Variants in MAN1A2 observed in about 807,000 individuals in gnomAD.
The protein encoded by MAN1A2 is mannosidase alpha class 1A member 2.
MAN1A2 carries 26 observed loss-of-function variants against 75.7 expected under a neutral mutation model. The observed-to-expected ratio is 0.34, with a 90% confidence interval of 0.25 to 0.48. MAN1A2 has a LOEUF of 0.48. Ranked by LOEUF, MAN1A2 falls within the 20% of genes least tolerant of loss-of-function variation. The pLI is 0.99. For missense variants in MAN1A2, 562 were observed against 775.5 expected, an observed-to-expected ratio of 0.72 and a Z score of 3.27; for synonymous variants, 247 against 264.6, an observed-to-expected ratio of 0.93 and a Z score of 0.65.
At chr1:117,510,676 C>A (rs1238671443) in intron 12 of MAN1A2, among the ~76,000 whole-genome samples, 1 of 151,990 alleles carries the variant, frequency 6.6e-6, no homozygotes, top group Admixed American at 6.6e-5. Context: ...ATAAACAATA[C>A]AAATGTAATA....
In MAN1A2 at chr1:117,526,880, C is replaced by CTCTCTCTCTCTCTCTCTA; in HGVS notation, c.*3924_*3925insCTCTCTCTCTCTCTCTAT. 11 of 54,516 alleles carry CTCTCTCTCTCTCTCTCTA rather than the reference C, an allele frequency of 2.0e-4. No homozygotes were observed. The highest frequency in any genetic ancestry group is 4.1e-4 in the African/African-American group (5 of 12,286). 3.4% of individuals were successfully genotyped at this position (54,516 alleles called of 1,614,324 possible). ...TCTCTCTCTCTCTCTCTCTCTCTCT[C>CTCTCTCTCTCTCTCTCTA]TATATATATATATATATATATATAT... On this transcript the variant is annotated 3_prime_UTR_variant, in exon 13 of 13. Coordinates refer to ENST00000356554, the MANE Select transcript of MAN1A2 (RefSeq NM_006699.5).
intron 2 of MAN1A2, among the ~76,000 whole-genome samples, chr1:117,404,216 T>G (rs1647539767): frequency 6.6e-6 from 1 of 152,218 alleles, no homozygotes; most frequent in Non-Finnish European, 1.5e-5. Flanking sequence ...TGAGTTTTCT[T>G]GTAATATCTT....
At chr1:117,381,925 T>G (rs1489059100) in intron 1 of MAN1A2, among the ~76,000 whole-genome samples, 2 of 151,716 alleles carry the variant, frequency 1.3e-5, no homozygotes, top group Admixed American at 6.6e-5. Context: ...TTTGCATTTC[T>G]CTGATGGCCA....
At chr1:117,392,140 A>G (rs551196816) in intron 1 of MAN1A2, among the ~76,000 whole-genome samples, 2 of 152,162 alleles carry the variant, frequency 1.3e-5, no homozygotes, top group Non-Finnish European at 2.9e-5. Flanking sequence ...ATTTAAGTAC[A>G]ATCATGCCAT....
intron 7 of MAN1A2, 119 bp downstream of exon 7, chr1:117,460,731 G>A (rs2101835558): frequency 8.3e-7 from 1 of 1,210,658 alleles, no homozygotes; most frequent in Admixed American, 3.2e-5. Context: ...TAGGGCTGTA[G>A]CCTTTATTTT....
chr1:117,521,686 C>T (rs181556519), intron 12 of MAN1A2, among the ~76,000 whole-genome samples: 1 of 151,926 alleles, frequency 6.6e-6, no homozygotes, highest in Admixed American at 6.6e-5. Context: ...TATCTACCCA[C>T]AGGAAAATAA....
chr1:117,491,842 A>T (rs1650891012), intron 8 of MAN1A2, among the ~76,000 whole-genome samples: 1 of 152,098 alleles, frequency 6.6e-6, no homozygotes, highest in South Asian at 2.1e-4. Flanking sequence ...GAGGGGTTCA[A>T]ACTCAAGTGG....
intron 3 of MAN1A2, among the ~76,000 whole-genome samples, chr1:117,408,204 A>G (rs1333114362): frequency 2.6e-5 from 4 of 152,084 alleles, no homozygotes; most frequent in Admixed American, 6.6e-5. Context: ...GCCTGGGGCC[A>G]GGAGTCCAAG....
At chr1:117,377,580 A>G (rs1469876073) in intron 1 of MAN1A2, among the ~76,000 whole-genome samples, 1 of 152,224 alleles carries the variant, frequency 6.6e-6, no homozygotes, top group East Asian at 1.9e-4. Flanking sequence ...TGTCCCCTGA[A>G]GCTATAACAT....
At chr1:117,498,886 C>G (rs1651112413) in intron 10 of MAN1A2, among the ~76,000 whole-genome samples, 1 of 151,706 alleles carries the variant, frequency 6.6e-6, no homozygotes, top group African/African-American at 2.4e-5. Flanking sequence ...GTTATTCCAG[C>G]TAAATATATA....
intron 8 of MAN1A2, among the ~76,000 whole-genome samples, chr1:117,476,715 A>G (rs574808990): frequency 6.6e-6 from 1 of 151,950 alleles, no homozygotes; most frequent in Non-Finnish European, 1.5e-5. Context: ...TCATTGGTCT[A>G]TATTTCTGTT....
intron 8 of MAN1A2, among the ~76,000 whole-genome samples, chr1:117,483,409 T>C (rs951044077): frequency 3.9e-4 from 59 of 152,148 alleles, no homozygotes; most frequent in Non-Finnish European, 7.8e-4. Flanking sequence ...TCCTCTTTTA[T>C]TTAGTTGAGC....
chr1:117,480,341 TTTTCTTGATGCAGTAA>T (rs1182974702), intron 8 of MAN1A2, among the ~76,000 whole-genome samples: 1 of 151,852 alleles, frequency 6.6e-6, no homozygotes, highest in Non-Finnish European at 1.5e-5. Context: ...TGCCTGAAAA[TTTTCTTGATGCAGTAA>T]TTTACAGGCA....
At chr1:117,472,422 A>G (rs1650189594) in intron 8 of MAN1A2, among the ~76,000 whole-genome samples, 1 of 152,010 alleles carries the variant, frequency 6.6e-6, no homozygotes, top group Non-Finnish European at 1.5e-5. Context: ...TGCATTCACT[A>G]ATTTCACTGA....
intron 6 of MAN1A2, 45 bp downstream of exon 6, chr1:117,442,370 C>CT (rs1331041779): frequency 7.6e-6 from 10 of 1,318,486 alleles, no homozygotes; most frequent in Non-Finnish European, 1.1e-5. Flanking sequence ...TTATTTTGAC[C>CT]TTTTTAGTCT....
rs191834649 is a variant in MAN1A2 at position 117,383,887 on chromosome 1, C to T, written c.302+15402C>T. On this transcript the variant is annotated intron_variant, in intron 1 of 12. Transcript: ENST00000356554. The stretch of plus-strand genomic sequence containing the variant: ...CTTCCTGCCTCAGTCTCTTCAGTAG[C>T]TGGGACTACAGATGCACACATCAAA... Among the ~76,000 whole-genome samples, 8 of 152,238 alleles carry T rather than the reference C, an allele frequency of 5.3e-5. No individual in the cohort carries two copies. The East Asian group carries it at 1.5e-3, about 29-fold the overall frequency.
rs962480662 is a variant in MAN1A2, at chr1:117,526,876, CTCTCTATATATATA to C, written c.*3921_*3934del. Reference sequence around the variant, plus strand: ...TCTCTCTCTCTCTCTCTCTCTCTCTCTCTCTATATATATATATATATATATATATATATGAGAGA... The same window carrying C: ...TCTCTCTCTCTCTCTCTCTCTCTCTCTATATATATATATATATATGAGAGA... On this transcript the variant is annotated 3_prime_UTR_variant, in exon 13 of 13. Transcript: ENST00000356554. The C allele has an allele frequency of 1.5e-4, 10 of 68,004 alleles. No individual in the cohort carries two copies. Among genetic ancestry groups the C allele is most frequent in the Non-Finnish European group, 1.9e-4 (6 of 32,078 alleles). The allele number at this position is 68,004 out of a possible 1,614,324, so 4.2% of individuals were successfully genotyped here. A position where few individuals can be genotyped will look rare whatever the true frequency, so the allele number is the denominator to read the frequency against.
chr1:117,442,127 C>T lies in MAN1A2; in HGVS notation c.856-104C>T, dbSNP rs1017596225. The T allele has an allele frequency of 1.3e-5, 9 of 690,498 alleles. No individual in the cohort carries two copies. In the African/African-American group the frequency reaches 1.6e-4, roughly 12 times the overall value. 42.8% of individuals were successfully genotyped at this position (690,498 alleles called of 1,614,324 possible). On this transcript the variant is annotated intron_variant, in intron 5 of 12. Coordinates refer to ENST00000356554, the MANE Select transcript of MAN1A2 (RefSeq NM_006699.5). ...AGATGCTTTTTCCTACCCTGTGCTC[C>T]CGTGTACCCAGTACCTTGTGCTATG...
intron 6 of MAN1A2, among the ~76,000 whole-genome samples, chr1:117,446,585 A>G (rs1649243292): frequency 6.6e-6 from 1 of 152,100 alleles, no homozygotes; most frequent in Non-Finnish European, 1.5e-5. Flanking sequence ...GCCAAATTTT[A>G]GGACGTTTCT....
Sources: gnomAD v4.1 joint callset for allele counts (sites outside exome capture counted in the v4.1 genomes callset) on GRCh38, gnomAD v4.1.1 for gene constraint, MANE v1.5 for transcripts, NCBI Gene and HGNC (gene_info 2026-07-23, HGNC 2026-07-21) for gene names.